Variants in FAM20B observed in about 807,000 individuals in gnomAD.
FAM20B encodes glycosaminoglycan xylosylkinase.
In FAM20B, 23 loss-of-function variants were observed where a neutral mutation model predicts 43.8. The observed-to-expected ratio is 0.53, with a 90% CI of 0.38 to 0.74. FAM20B has a LOEUF of 0.74. FAM20B is among the 30% of genes least tolerant of loss of function. FAM20B has a pLI of 0.00. For missense variants in FAM20B, 440 were observed against 510.5 expected (o/e 0.86, Z 1.33); for synonymous variants, 178 against 192.4 (o/e 0.93, Z 0.62).
chr1:179,072,187 A>C lies in FAM20B; in HGVS notation c.*43A>C. On this transcript the variant is annotated 3_prime_UTR_variant, in exon 8 of 8. Transcript: ENST00000263733. ...GTGAAACTTCTTTTTACAAAGATAG[A>C]GAAACAGCACAATCAATTCCAAATG... is the stretch of plus-strand genomic sequence containing the variant. 1 of 1,452,394 alleles carries C rather than the reference A, an allele frequency of 6.9e-7. No individual in the cohort carries two copies. Among genetic ancestry groups the C allele is most frequent in the Non-Finnish European group, 9.5e-7 (1 of 1,049,544 alleles). 90.0% of individuals were successfully genotyped at this position (1,452,394 alleles called of 1,614,324 possible). A position where few individuals can be genotyped will look rare whatever the true frequency, so the allele number is the denominator to read the frequency against.
Position 179,027,028 on chromosome 1 carries a change from G to T in FAM20B, c.-134+930G>T, listed in dbSNP as rs1649818968. Among the ~76,000 whole-genome samples the T allele has an allele frequency of 1.3e-5, 2 of 152,202 alleles. 1 individual carries two copies. Among genetic ancestry groups the T allele is most frequent in the Admixed American group, 1.3e-4 (2 of 15,284 alleles). ...TAAGGAGTTTCTAATTTGGGAAAAT[G>T]AGAGTTGCTTGCTATTGCGACTTGG... On this transcript the variant is annotated intron_variant, in intron 1 of 7. Coordinates refer to ENST00000263733, the MANE Select transcript of FAM20B (RefSeq NM_014864.4).
intron 4 of FAM20B, among the ~76,000 whole-genome samples, chr1:179,058,494 C>T (rs1367822681): frequency 6.6e-6 from 1 of 152,186 alleles, no homozygotes. Context: ...GAGCAACAAG[C>T]TCAGGAGACT....
intron 4 of FAM20B, among the ~76,000 whole-genome samples, chr1:179,055,174 T>A (rs1651159121): frequency 6.6e-6 from 1 of 152,210 alleles, no homozygotes; most frequent in South Asian, 2.1e-4. Context: ...TGGAACTGGC[T>A]ATGTTGCCCC....
At chr1:179,042,624 G>A (rs1338179670) in intron 1 of FAM20B, among the ~76,000 whole-genome samples, 2 of 152,140 alleles carry the variant, frequency 1.3e-5, no homozygotes, top group African/African-American at 4.8e-5. Context: ...CCTGCCATTT[G>A]GTGGGTTCTG....
intron 6 of FAM20B, among the ~76,000 whole-genome samples, chr1:179,064,981 T>C (rs1420939549): frequency 1.3e-5 from 2 of 152,218 alleles, no homozygotes; most frequent in Non-Finnish European, 2.9e-5. Context: ...TTGCCTAGTG[T>C]GGATTTTATA....
Position 179,054,695 on chromosome 1 carries a change from G to A in FAM20B, c.574+57G>A, listed in dbSNP as rs978767903. 8.6e-6 allele frequency: 9 copies of A among 1,044,856 alleles called. No individual in the cohort carries two copies. The African/African-American group carries it at 1.1e-4, about 13-fold the overall frequency. 64.7% of individuals were successfully genotyped at this position (1,044,856 alleles called of 1,614,324 possible). A position where few individuals can be genotyped will look rare whatever the true frequency, so the allele number is the denominator to read the frequency against. On this transcript the variant is annotated intron_variant, in intron 4 of 7. Transcript: ENST00000263733. ...GGAATGATTAATAAGTTAAAATGGG[G>A]CATTGTTGAGCAAGCTGGCTCATGA...
chr1:179,071,032 C>T (rs1016179349), intron 7 of FAM20B, among the ~76,000 whole-genome samples: 2 of 151,850 alleles, frequency 1.3e-5, no homozygotes, highest in East Asian at 2.0e-4. Context: ...CAGTGGCTCA[C>T]GCCTGTAATC....
chr1:179,072,233 G>A lies in FAM20B; in HGVS notation c.*89G>A. 9.4e-7 allele frequency: 1 copy of A among 1,065,560 alleles called. No individual in the cohort carries two copies. Among genetic ancestry groups the A allele is most frequent in the South Asian group, 1.5e-5 (1 of 65,178 alleles). 66.0% of individuals were successfully genotyped at this position (1,065,560 alleles called of 1,614,324 possible). A position where few individuals can be genotyped will look rare whatever the true frequency, so the allele number is the denominator to read the frequency against. The stretch of plus-strand genomic sequence containing the variant: ...AAATGGTATGAGATGGATTGGAAGT[G>A]GCCAGCAGCAAGTTCTGGTGACGGG... On this transcript the variant is annotated 3_prime_UTR_variant, in exon 8 of 8. Coordinates refer to ENST00000263733, the MANE Select transcript of FAM20B (RefSeq NM_014864.4).
chr1:179,061,511 C>G (rs951041887), intron 4 of FAM20B, among the ~76,000 whole-genome samples: 8 of 152,120 alleles, frequency 5.3e-5, no homozygotes, highest in African/African-American at 1.9e-4. Context: ...TCAAGCAATC[C>G]TCCTACCTCA....
intron 1 of FAM20B, among the ~76,000 whole-genome samples, chr1:179,034,777 A>G (rs1488743628): frequency 6.6e-6 from 1 of 152,196 alleles, no homozygotes; most frequent in East Asian, 1.9e-4. Flanking sequence ...TTTGCCTCAG[A>G]TCTCTTTTGT....
At chr1:179,044,626 A>G (rs1650691704) in intron 2 of FAM20B, among the ~76,000 whole-genome samples, 1 of 152,238 alleles carries the variant, frequency 6.6e-6, no homozygotes, top group South Asian at 2.1e-4. Flanking sequence ...TTGTGGCATG[A>G]TAGTTCATTT....
chr1:179,020,143 A>G, the FAM20B span, among the ~76,000 whole-genome samples: 1 of 140,644 alleles, frequency 7.1e-6, no homozygotes, highest in Admixed American at 7.3e-5. Flanking sequence ...TGCTCTGTGT[A>G]TGTGTGTGTA....
intron 1 of FAM20B, among the ~76,000 whole-genome samples, chr1:179,040,858 C>G (rs1572536739): frequency 6.6e-6 from 1 of 150,788 alleles, no homozygotes; most frequent in African/African-American, 2.4e-5. Flanking sequence ...ACTTCTCAGA[C>G]AGGGCGGTTG....
At chr1:179,055,341 T>C (rs1041347958) in intron 4 of FAM20B, among the ~76,000 whole-genome samples, 2 of 152,186 alleles carry the variant, frequency 1.3e-5, no homozygotes, top group African/African-American at 4.8e-5. Context: ...AGTGATACAG[T>C]GCTCTGCATT....
chr1:179,053,210 A>G (rs1253926553), intron 3 of FAM20B, among the ~76,000 whole-genome samples: 3 of 152,142 alleles, frequency 2.0e-5, no homozygotes, highest in Admixed American at 6.5e-5. Context: ...GCCAGCCTCA[A>G]GTGCCACAGT....
At chr1:179,047,521 C>T (rs1225623907) in intron 2 of FAM20B, among the ~76,000 whole-genome samples, 1 of 151,980 alleles carries the variant, frequency 6.6e-6, no homozygotes, top group Non-Finnish European at 1.5e-5. Flanking sequence ...CGCATCATCT[C>T]CTAAACAGCC....
Position 179,071,633 on chromosome 1 carries a change from C to T in FAM20B, c.999-280C>T, listed in dbSNP as rs140226362. Among the ~76,000 whole-genome samples, 5 of 152,124 alleles carry T rather than the reference C, an allele frequency of 3.3e-5. No individual in the cohort carries two copies. In the East Asian group the frequency reaches 7.7e-4, roughly 23 times the overall value. ...AACCATAATTTAACTATTTCCCAGT[C>T]GTTAGACATTCAGATTGTTCAACAT... On this transcript the variant is annotated intron_variant, in intron 7 of 7. Coordinates refer to ENST00000263733, the MANE Select transcript of FAM20B (RefSeq NM_014864.4).
rs528317395 is a variant in FAM20B at position 179,044,291 on chromosome 1, G to A, written c.377+67G>A. On this transcript the variant is annotated intron_variant, in intron 2 of 7. Transcript: ENST00000263733. The stretch of plus-strand genomic sequence containing the variant: ...TTCATTTAACTTGGGATTTATATAA[G>A]ATTTATTTTGTCATCTTCTCTTGGA... 1.0e-5 allele frequency: 15 copies of A among 1,501,312 alleles called. No homozygotes were observed. In the South Asian group the frequency reaches 2.0e-4, roughly 20 times the overall value. 93.0% of individuals were successfully genotyped at this position (1,501,312 alleles called of 1,614,324 possible). A position where few individuals can be genotyped will look rare whatever the true frequency, so the allele number is the denominator to read the frequency against.
chr1:179,045,936 G>T (rs1650750075), intron 2 of FAM20B, among the ~76,000 whole-genome samples: 1 of 152,010 alleles, frequency 6.6e-6, no homozygotes, highest in South Asian at 2.1e-4. Context: ...GGTTATGTGG[G>T]CCTGGGATCT....
Sources: allele counts gnomAD v4.1 joint callset (sites outside exome capture counted in the v4.1 genomes callset), GRCh38; gene constraint gnomAD v4.1.1; transcripts MANE v1.5; gene names NCBI Gene and HGNC (gene_info 2026-07-23, HGNC 2026-07-21).